SLC30A4: variants seen among roughly 807,000 people sequenced by gnomAD.
SLC30A4 encodes the protein probable proton-coupled zinc antiporter SLC30A4.
In SLC30A4, 20 loss-of-function variants were observed where a neutral mutation model predicts 41.7. That is an observed-to-expected ratio of 0.48 (90% confidence interval 0.34 to 0.70). The LOEUF (loss-of-function observed/expected upper bound fraction) is 0.70, where lower values mean the gene tolerates loss of function less well. SLC30A4 is among the 30% of genes least tolerant of loss of function. The pLI is 0.01. For synonymous variants in SLC30A4, 181 were observed against 195.9 expected (o/e 0.92, Z 0.64); for missense variants, 441 against 529.3 (o/e 0.83, Z 1.64).
At chr15:45,498,292 G>A (rs1268542884) in intron 3 of SLC30A4, among the ~76,000 whole-genome samples, 5 of 152,104 alleles carry the variant, frequency 3.3e-5, no homozygotes, top group Admixed American at 2.6e-4. Context: ...AAAAGAGTGG[G>A]CTATATTGGA....
chr15:45,521,043 T>G (rs1441528880), intron 2 of SLC30A4: 1 of 465,946 alleles, frequency 2.1e-6, no homozygotes, highest in Non-Finnish European at 4.4e-6. Flanking sequence ...ATGTATATAA[T>G]TTTTCCCACA....
intron 4 of SLC30A4, among the ~76,000 whole-genome samples, chr15:45,489,661 C>G (rs974831959): frequency 6.7e-6 from 1 of 149,720 alleles, no homozygotes; most frequent in East Asian, 2.0e-4. Flanking sequence ...GGAGATATAC[C>G]TAATGCTAAA....
Position 45,485,050 on chromosome 15 carries a change from T to C in SLC30A4, c.*113A>G. On this transcript the variant is annotated 3_prime_UTR_variant, in exon 8 of 8. Coordinates refer to ENST00000261867, the MANE Select transcript of SLC30A4 (RefSeq NM_013309.6). ...GGGCAACTGTTTGAGAGACTGATGC[T>C]TGATACGGACACAGCTGTCAGGGAT... 1 of 766,266 alleles carries C rather than the reference T, an allele frequency of 1.3e-6. No homozygotes were observed. Among genetic ancestry groups the C allele is most frequent in the Non-Finnish European group, 2.1e-6 (1 of 476,580 alleles). 47.5% of individuals were successfully genotyped at this position (766,266 alleles called of 1,614,324 possible).
In SLC30A4 at chr15:45,503,892, G is replaced by A. The variant is rs527980967; in HGVS notation, c.538+7246C>T. On this transcript the variant is annotated intron_variant, in intron 3 of 7. Transcript: ENST00000261867. Reference sequence around the variant, plus strand: ...ACCCAGGAGGCAGAGGTTGCGGTGAGCTGAGATCGTGCCATTGCACTCCAG... The same window carrying A: ...ACCCAGGAGGCAGAGGTTGCGGTGAACTGAGATCGTGCCATTGCACTCCAG... Among the ~76,000 whole-genome samples the A allele has an allele frequency of 9.7e-4, 147 of 152,278 alleles. 1 individual carries two copies. In the South Asian group the frequency reaches 0.028, roughly 29 times the overall value.
At chr15:45,487,946 C>G (rs983591977) in intron 5 of SLC30A4, among the ~76,000 whole-genome samples, 120 of 42,516 alleles carry the variant, frequency 2.8e-3, no homozygotes, top group South Asian at 6.2e-3. Context: ...GTGTGTGTGT[C>G]AAAGCTGGAA....
intron 2 of SLC30A4, chr15:45,520,978 G>T (rs904581499): frequency 1.1e-5 from 5 of 456,130 alleles, no homozygotes; most frequent in Middle Eastern, 3.3e-4. Flanking sequence ...GGAAAAAGAA[G>T]ACCAGCATGG....
At chr15:45,497,632 A>G (rs1251105147) in intron 3 of SLC30A4, among the ~76,000 whole-genome samples, 4 of 152,228 alleles carry the variant, frequency 2.6e-5, no homozygotes, top group African/African-American at 4.8e-5. Flanking sequence ...AAAGAAAAAA[A>G]TAAATAGGAG....
chr15:45,518,264 G>C (rs1892553876), intron 2 of SLC30A4, among the ~76,000 whole-genome samples: 1 of 152,002 alleles, frequency 6.6e-6, no homozygotes, highest in Non-Finnish European at 1.5e-5. Flanking sequence ...TGTCCTACTG[G>C]TTACTATGTC....
intron 3 of SLC30A4, among the ~76,000 whole-genome samples, chr15:45,503,257 A>G (rs986509060): frequency 3.9e-5 from 6 of 152,228 alleles, no homozygotes; most frequent in African/African-American, 1.4e-4. Flanking sequence ...ACAGGACAAA[A>G]GAAGACCTGA....
In SLC30A4 at chr15:45,522,105, T is replaced by A. The variant is rs1171779051; in HGVS notation, c.250A>T (p.Thr84Ser). 6.2e-7 allele frequency: 1 copy of A among 1,614,212 alleles called. No homozygotes were observed. Among genetic ancestry groups the A allele is most frequent in the South Asian group, 1.1e-5 (1 of 91,082 alleles). The change falls in exon 2 of 8, where the codon ACC becomes TCC. Residue 84 changes from threonine (T) to serine (S), a missense_variant. Around this residue, in one of 3 missense-constraint regions of SLC30A4, gnomAD observed 312 missense variants for 341.9 expected, o/e 0.91. Coordinates refer to ENST00000261867, the MANE Select transcript of SLC30A4 (RefSeq NM_013309.6). ...DSLLDQDLPLTNSQLSLKVDS... is the reference protein window; with the variant it reads ...DSLLDQDLPLSNSQLSLKVDS... ...ACCTTCAAACTCAGCTGACTGTTGGTCAAAGGTAAGTCTTGGTCCAGTAAG... is the reference window on the plus strand; with the variant it reads ...ACCTTCAAACTCAGCTGACTGTTGGACAAAGGTAAGTCTTGGTCCAGTAAG...
At chr15:45,491,437 G>C (rs1328299768) in intron 3 of SLC30A4, among the ~76,000 whole-genome samples, 2 of 152,204 alleles carry the variant, frequency 1.3e-5, no homozygotes, top group Non-Finnish European at 1.5e-5. Context: ...TCAAAAGTCA[G>C]TAACAGGTAA....
intron 3 of SLC30A4, among the ~76,000 whole-genome samples, chr15:45,492,737 TA>T (rs1003037344): frequency 7.3e-5 from 11 of 149,936 alleles, no homozygotes; most frequent in South Asian, 4.2e-4. Flanking sequence ...ACCATTTGTA[TA>T]AAAAAAAAGA....
At chr15:45,513,929 A>C (rs1437485290) in intron 2 of SLC30A4, 1 of 152,424 alleles carries the variant, frequency 6.6e-6, no homozygotes, top group Non-Finnish European at 1.5e-5. Flanking sequence ...ATGCTTGTCA[A>C]AAATCAGAGG....
chr15:45,504,653 A>G (rs1892111808), intron 3 of SLC30A4, among the ~76,000 whole-genome samples: 1 of 152,252 alleles, frequency 6.6e-6, no homozygotes, highest in Non-Finnish European at 1.5e-5. Context: ...TTATTTCCAA[A>G]GAATAAATGA....
intron 3 of SLC30A4, among the ~76,000 whole-genome samples, chr15:45,499,588 C>T (rs748846123): frequency 5.8e-4 from 88 of 152,074 alleles, no homozygotes; most frequent in Non-Finnish European, 1.2e-3. Context: ...AGCAAGCAAG[C>T]GGGTGGAGCC....
At chr15:45,519,308 G>A (rs7495403) in intron 2 of SLC30A4, 12,907 of 152,096 alleles carry the variant, frequency 0.085, 1,823 homozygotes, top group African/African-American at 0.29. Flanking sequence ...TGCAATCTTG[G>A]CTCACTGCAA....
Position 45,485,386 on chromosome 15 carries a change from A to C in SLC30A4, c.1136-69T>G. 1.2e-5 allele frequency: 12 copies of C among 1,035,768 alleles called. 1 individual carries two copies. Among genetic ancestry groups the C allele is most frequent in the Middle Eastern group, 2.6e-4 (1 of 3,868 alleles). The allele number at this position is 1,035,768 out of a possible 1,614,324, so 64.2% of individuals were successfully genotyped here. ...CATCTTGAATAAGATACAGGGAAAA[A>C]AACAACTGAAATATACTGGGAATAT... On this transcript the variant is annotated intron_variant, in intron 7 of 7. Coordinates refer to ENST00000261867, the MANE Select transcript of SLC30A4 (RefSeq NM_013309.6).
intron 3 of SLC30A4, among the ~76,000 whole-genome samples, chr15:45,494,203 G>C (rs1490351469): frequency 6.6e-6 from 1 of 152,092 alleles, no homozygotes; most frequent in Non-Finnish European, 1.5e-5. Context: ...CAAGGGTTAA[G>C]CAAGGGAAGA....
At chr15:45,495,867 G>A (rs1339106263) in intron 3 of SLC30A4, among the ~76,000 whole-genome samples, 3 of 152,174 alleles carry the variant, frequency 2.0e-5, no homozygotes, top group Admixed American at 6.5e-5. Context: ...TTAAGATACT[G>A]CTATCAATGA....
Sources: allele counts gnomAD v4.1 joint callset (sites outside exome capture counted in the v4.1 genomes callset), GRCh38; gene constraint gnomAD v4.1.1; regional missense constraint gnomAD v4.1.1; transcripts MANE v1.5; gene names NCBI Gene and HGNC (gene_info 2026-07-23, HGNC 2026-07-21).